The following HTR2C variants were observed in gnomAD, a reference collection of about 807,000 sequenced individuals.
The protein encoded by HTR2C is 5-hydroxytryptamine (serotonin) receptor 2C, G protein-coupled.
HTR2C carries 5 observed loss-of-function variants against 21.0 expected under a neutral mutation model. The observed-to-expected ratio is 0.24, with a 90% CI of 0.12 to 0.50. The LOEUF (loss-of-function observed/expected upper bound fraction) is 0.50. Among genes scored for constraint, HTR2C ranks in the 20% least tolerant of loss-of-function variants. HTR2C has a pLI of 0.98. For missense variants in HTR2C, 271 were observed against 371.2 expected, an observed-to-expected ratio of 0.73 and a Z score of 2.22; for synonymous variants, 150 against 145.3, an observed-to-expected ratio of 1.03 and a Z score of -0.23.
chrX:114,782,420 A>C (rs1383678914), intron 4 of HTR2C, among the ~76,000 whole-genome samples: 2 of 111,930 alleles, frequency 1.8e-5, no homozygotes, highest in Non-Finnish European at 3.8e-5. Context: ...TATAAAACAA[A>C]ATTAATAATA....
At chrX:114,844,687 A>G (rs1360872512) in intron 4 of HTR2C, among the ~76,000 whole-genome samples, 1 of 111,970 alleles carries the variant, frequency 8.9e-6, no homozygotes, top group Non-Finnish European at 1.9e-5. Flanking sequence ...CCATACAAAC[A>G]GTAACCAAAA....
chrX:114,900,896 G>A (rs140269483), intron 5 of HTR2C, among the ~76,000 whole-genome samples: 4 of 111,673 alleles, frequency 3.6e-5, no homozygotes, highest in East Asian at 5.7e-4. Flanking sequence ...AAACTGTTGC[G>A]GATGTCTTCT....
At chrX:114,735,194 G>A (rs957321081) in intron 4 of HTR2C, among the ~76,000 whole-genome samples, 81 of 110,730 alleles carry the variant, frequency 7.3e-4, no homozygotes, top group African/African-American at 2.6e-3. Context: ...CTGCCTGCCC[G>A]TAATCTCAGT....
chrX:114,610,562 C>T (rs782694081), intron 1 of HTR2C, among the ~76,000 whole-genome samples: 4 of 111,240 alleles, frequency 3.6e-5, no homozygotes, highest in Non-Finnish European at 7.5e-5. Context: ...ATTGCACATG[C>T]GAAATTTAAA....
chrX:114,802,738 C>CTTTCTTA (rs1488828320), intron 4 of HTR2C, among the ~76,000 whole-genome samples: 1 of 83,400 alleles, frequency 1.2e-5, no homozygotes, highest in African/African-American at 4.8e-5. Context: ...TTCTTTCTTT[C>CTTTCTTA]TTATTATTAT....
chrX:114,792,298 G>A (rs1217816671), intron 4 of HTR2C, among the ~76,000 whole-genome samples: 1 of 110,217 alleles, frequency 9.1e-6, no homozygotes, highest in Non-Finnish European at 1.9e-5. Context: ...ACAGACCCTA[G>A]TGTGTGTTGT....
At chrX:114,590,181 A>G (rs1293802278) in intron 1 of HTR2C, among the ~76,000 whole-genome samples, 1 of 111,820 alleles carries the variant, frequency 8.9e-6, no homozygotes, top group African/African-American at 3.2e-5. Context: ...TGAGTACAAT[A>G]CTTAGACTAA....
At chrX:114,601,124 T>A (rs1928066468) in intron 1 of HTR2C, among the ~76,000 whole-genome samples, 1 of 112,240 alleles carries the variant, frequency 8.9e-6, no homozygotes, top group Admixed American at 9.5e-5. Flanking sequence ...TTTTACTCAT[T>A]TCTGAATTCA....
At chrX:114,768,196 T>C (rs1303861179) in intron 4 of HTR2C, among the ~76,000 whole-genome samples, 1 of 111,117 alleles carries the variant, frequency 9.0e-6, no homozygotes, top group African/African-American at 3.2e-5. Flanking sequence ...TTTTGGTAAG[T>C]CACTGGTTAT....
intron 2 of HTR2C, chrX:114,630,881 A>T (rs1556404110): frequency 2.7e-6 from 1 of 372,335 alleles, no homozygotes; most frequent in Non-Finnish European, 5.2e-6. Flanking sequence ...CAAAGCTGGG[A>T]GAGTCACACC....
intron 4 of HTR2C, among the ~76,000 whole-genome samples, chrX:114,745,249 A>G (rs782429274): frequency 1.8e-5 from 2 of 112,385 alleles, no homozygotes; most frequent in Non-Finnish European, 3.8e-5. Flanking sequence ...AAATTAAACT[A>G]CAATCTCGCC....
At chrX:114,835,024 A>T (rs2070767707) in intron 4 of HTR2C, among the ~76,000 whole-genome samples, 1 of 92,493 alleles carries the variant, frequency 1.1e-5, no homozygotes, top group African/African-American at 3.7e-5. Flanking sequence ...AAGAATGTTG[A>T]ATATTGGCCC....
chrX:114,783,962 C>G (rs1556441184), intron 4 of HTR2C, among the ~76,000 whole-genome samples: 1 of 109,875 alleles, frequency 9.1e-6, no homozygotes, highest in East Asian at 2.8e-4. Context: ...GGCTTAAATG[C>G]ATACATTGTC....
At chrX:114,787,784 A>G (rs1032137505) in intron 4 of HTR2C, among the ~76,000 whole-genome samples, 11 of 109,493 alleles carry the variant, frequency 1.0e-4, no homozygotes, top group African/African-American at 3.3e-5. Flanking sequence ...CATCTCTACT[A>G]AAAATACAAA....
At chrX:114,869,000 A>G (rs1348833255) in intron 5 of HTR2C, among the ~76,000 whole-genome samples, 1 of 108,755 alleles carries the variant, frequency 9.2e-6, no homozygotes, top group East Asian at 2.9e-4. Context: ...CAGCCCCCCA[A>G]CCCCTGACAG....
intron 5 of HTR2C, among the ~76,000 whole-genome samples, chrX:114,899,953 C>G (rs185532528): frequency 2.7e-5 from 3 of 111,444 alleles, no homozygotes; most frequent in African/African-American, 9.8e-5. Flanking sequence ...TCTGGGTTGA[C>G]AGATGTGCGT....
chrX:114,723,677 A>G (rs1488948953), intron 2 of HTR2C, among the ~76,000 whole-genome samples: 1 of 110,185 alleles, frequency 9.1e-6, no homozygotes, highest in East Asian at 2.9e-4. Context: ...CCCTCTACAC[A>G]CTGCTTTGAA....
intron 5 of HTR2C, among the ~76,000 whole-genome samples, chrX:114,850,138 G>A (rs1031478649): frequency 8.9e-6 from 1 of 111,838 alleles, no homozygotes; most frequent in African/African-American, 3.2e-5. Flanking sequence ...GGGCCAGGCA[G>A]TGTCTTACAC....
intron 4 of HTR2C, among the ~76,000 whole-genome samples, chrX:114,844,833 T>C (rs1487626728): frequency 9.0e-6 from 1 of 111,619 alleles, no homozygotes; most frequent in Non-Finnish European, 1.9e-5. Flanking sequence ...TAAACATATA[T>C]GTACCTAACA....
Sources: allele counts gnomAD v4.1 joint callset (sites outside exome capture counted in the v4.1 genomes callset), GRCh38; gene constraint gnomAD v4.1.1; transcripts MANE v1.5; gene names NCBI Gene and HGNC (gene_info 2026-07-23, HGNC 2026-07-21).